PTPN12: variants seen among roughly 807,000 people sequenced by gnomAD.
PTPN12 encodes the protein protein tyrosine phosphatase non-receptor type 12.
In PTPN12, 29 loss-of-function variants were observed where a neutral mutation model predicts 97.6. That is an observed-to-expected ratio of 0.30 (90% confidence interval 0.22 to 0.41). The LOEUF (loss-of-function observed/expected upper bound fraction) is 0.41, where lower values mean the gene tolerates loss of function less well. PTPN12 is among the 10% of genes least tolerant of loss of function. The pLI, the probability that PTPN12 is intolerant of heterozygous loss-of-function variation, is 1.00. For missense variants in PTPN12, 819 were observed against 926.0 expected, an observed-to-expected ratio of 0.88 and a Z score of 1.50; for synonymous variants, 327 against 300.4, an observed-to-expected ratio of 1.09 and a Z score of -0.91.
At chr7:77,544,985 A>G (rs1241473398) in intron 1 of PTPN12, among the ~76,000 whole-genome samples, 1 of 152,240 alleles carries the variant, frequency 6.6e-6, no homozygotes, top group African/African-American at 2.4e-5. Context: ...TGAAAAAGAA[A>G]ATACAAGATA....
chr7:77,603,147 TTTAA>T (rs1284759778), intron 8 of PTPN12, among the ~76,000 whole-genome samples: 2 of 152,190 alleles, frequency 1.3e-5, no homozygotes, highest in Non-Finnish European at 2.9e-5. Context: ...TAGTTGACCA[TTTAA>T]TTAAGTAGGA....
At chr7:77,625,630 C>T (rs1233527531) in intron 12 of PTPN12, among the ~76,000 whole-genome samples, 4 of 121,114 alleles carry the variant, frequency 3.3e-5, no homozygotes, top group East Asian at 2.8e-4. Flanking sequence ...AGTGCAGTGG[C>T]GTGATCTCAA....
chr7:77,612,741 A>G (rs912442189), intron 11 of PTPN12, among the ~76,000 whole-genome samples: 1 of 149,578 alleles, frequency 6.7e-6, no homozygotes, highest in African/African-American at 2.5e-5. Flanking sequence ...CCGGCCTCGA[A>G]TGTGTTTTTT....
At position 77,627,162 on chromosome 7, in the gene PTPN12, T is replaced by G; in HGVS notation, c.1483T>G (p.Cys495Gly). 1.2e-6 allele frequency: 2 copies of G among 1,614,178 alleles called. No individual in the cohort carries two copies. The highest frequency in any genetic ancestry group is 1.7e-6 in the Non-Finnish European group (2 of 1,180,030). Residue 495 changes from cysteine (C) to glycine (G), a missense_variant, in exon 13 of 18, where the codon TGT (cysteine) becomes GGT (glycine). Around this residue, in one of 5 missense-constraint regions of PTPN12, gnomAD observed 607 missense variants for 577.3 expected, o/e 1.05. Transcript: ENST00000248594. Reference protein sequence around the residue: ...LNVGDTSQNSCVDCSVTQSNK... With the variant: ...LNVGDTSQNSGVDCSVTQSNK... ...TGTCGGTGATACTTCCCAGAATTCT[T>G]GTGTGGACTGCAGTGTAACACAATC...
At chr7:77,578,585 C>A (rs913279478) in intron 2 of PTPN12, among the ~76,000 whole-genome samples, 3 of 151,984 alleles carry the variant, frequency 2.0e-5, no homozygotes, top group African/African-American at 7.3e-5. Flanking sequence ...GCCTTTAGTG[C>A]TATGTATAAA....
intron 11 of PTPN12, among the ~76,000 whole-genome samples, chr7:77,617,299 C>T (rs1788785369): frequency 6.6e-6 from 1 of 152,150 alleles, no homozygotes; most frequent in Non-Finnish European, 1.5e-5. Context: ...TATTTCTGCA[C>T]CAAATGCCTC....
chr7:77,552,694 C>G (rs1410874722), intron 1 of PTPN12, among the ~76,000 whole-genome samples: 2 of 152,048 alleles, frequency 1.3e-5, no homozygotes, highest in Non-Finnish European at 2.9e-5. Context: ...AAGAAAAGAC[C>G]TGATGGAAGT....
intron 1 of PTPN12, among the ~76,000 whole-genome samples, chr7:77,552,009 T>C (rs12669256): frequency 0.22 from 33,386 of 152,188 alleles, 4,709 homozygotes; most frequent in East Asian, 0.7. Flanking sequence ...CTGAAATAAT[T>C]AAACATGTTC....
At chr7:77,579,415 A>AT (rs1259192359) in intron 2 of PTPN12, among the ~76,000 whole-genome samples, 1 of 152,174 alleles carries the variant, frequency 6.6e-6, no homozygotes, top group Non-Finnish European at 1.5e-5. Context: ...GTGAGCCACT[A>AT]TGCCTGGCCA....
intron 9 of PTPN12, among the ~76,000 whole-genome samples, chr7:77,608,314 C>T (rs1788445302): frequency 6.6e-6 from 1 of 152,176 alleles, no homozygotes; most frequent in Non-Finnish European, 1.5e-5. Flanking sequence ...TGAAGTTCTT[C>T]AGAACTATGT....
intron 1 of PTPN12, among the ~76,000 whole-genome samples, chr7:77,551,415 C>T (rs2159795): frequency 0.7 from 106,724 of 152,096 alleles, 38,416 homozygotes; most frequent in East Asian, 0.9. Flanking sequence ...TTGGCACCAA[C>T]TGAGTGGCAA....
At chr7:77,587,800 G>C (rs1787739407) in intron 5 of PTPN12, among the ~76,000 whole-genome samples, 1 of 152,186 alleles carries the variant, frequency 6.6e-6, no homozygotes, top group Non-Finnish European at 1.5e-5. Flanking sequence ...TCTTAGCTTA[G>C]ATCTTTGGAT....
intron 13 of PTPN12, 38 bp from the exon 14 acceptor site, chr7:77,632,310 C>A: frequency 7.3e-7 from 1 of 1,374,548 alleles, no homozygotes; most frequent in Non-Finnish European, 1.0e-6. Context: ...GTTTAGATGA[C>A]ATGTTAATTT....
chr7:77,571,040 T>C (rs1787108077), intron 1 of PTPN12, 38 bp from the exon 2 acceptor site: 1 of 1,382,210 alleles, frequency 7.2e-7, no homozygotes, highest in South Asian at 1.4e-5. Flanking sequence ...AATATCACTG[T>C]TTCTCTAAAC....
At chr7:77,558,330 G>A (rs2151306141) in intron 1 of PTPN12, among the ~76,000 whole-genome samples, 1 of 152,182 alleles carries the variant, frequency 6.6e-6, no homozygotes, top group South Asian at 2.1e-4. Flanking sequence ...GTTTTGGAAG[G>A]CAGTTTGGCC....
At chr7:77,559,167 G>T (rs968861827) in intron 1 of PTPN12, among the ~76,000 whole-genome samples, 1 of 152,120 alleles carries the variant, frequency 6.6e-6, no homozygotes, top group Non-Finnish European at 1.5e-5. Flanking sequence ...CTTCCCTTGT[G>T]GACAACGTTT....
Position 77,639,656 on chromosome 7 carries a change from T to G in PTPN12, c.*376T>G. ...GTATATAATTTGATAAAGTTGCAATTGAAATATTATTAACAGAAGATGTAA... is the reference window on the plus strand; with the variant it reads ...GTATATAATTTGATAAAGTTGCAATGGAAATATTATTAACAGAAGATGTAA... On this transcript the variant is annotated 3_prime_UTR_variant, in exon 18 of 18. Coordinates refer to ENST00000248594, the MANE Select transcript of PTPN12 (RefSeq NM_002835.4). The G allele has an allele frequency of 6.0e-6, 1 of 165,730 alleles. No individual in the cohort carries two copies. The highest frequency in any genetic ancestry group is 1.3e-5 in the Non-Finnish European group (1 of 77,008). 10.3% of individuals were successfully genotyped at this position (165,730 alleles called of 1,614,324 possible).
chr7:77,591,270 C>A (rs1055372991), intron 5 of PTPN12, among the ~76,000 whole-genome samples: 26 of 152,272 alleles, frequency 1.7e-4, no homozygotes, highest in African/African-American at 6.3e-4. Flanking sequence ...AATTCATTAA[C>A]CAATGCATTT....
At chr7:77,586,249 T>C (rs1787686776) in intron 5 of PTPN12, among the ~76,000 whole-genome samples, 1 of 152,214 alleles carries the variant, frequency 6.6e-6, no homozygotes, top group Non-Finnish European at 1.5e-5. Context: ...CCACTGCGCC[T>C]GGCCTTCCAT....
Sources: gnomAD v4.1 joint callset for allele counts (sites outside exome capture counted in the v4.1 genomes callset) on GRCh38, gnomAD v4.1.1 for gene constraint, gnomAD v4.1.1 regional missense constraint, MANE v1.5 for transcripts, NCBI Gene and HGNC (gene_info 2026-07-23, HGNC 2026-07-21) for gene names.